The following RGN variants were observed in gnomAD, a reference collection of about 807,000 sequenced individuals.
The protein encoded by RGN is epididymis secretory protein Li 41.
Under a neutral mutation model 20.6 loss-of-function variants are expected in RGN, and 19 were observed. That is an observed-to-expected ratio of 0.92 (90% CI 0.64 to 1.35). The LOEUF is 1.35. Ranked by LOEUF, RGN falls within the 40% of genes most tolerant of loss-of-function variation. The pLI, the probability that RGN is intolerant of heterozygous loss-of-function variation, is 0.00. For missense variants in RGN, 302 were observed against 232.7 expected (o/e 1.30, Z -1.94); for synonymous variants, 85 against 87.2 (o/e 0.97, Z 0.14).
chrX:47,079,416 GTTTTGTTT>G (rs1449596900), intron 1 of RGN, among the ~76,000 whole-genome samples: 1 of 102,353 alleles, frequency 9.8e-6, no homozygotes, highest in African/African-American at 3.6e-5. Context: ...GTTTTGTTTT[GTTTTGTTT>G]TTTTGTTTTT....
chrX:47,086,718 A>G (rs1930601381), intron 4 of RGN, among the ~76,000 whole-genome samples: 1 of 100,226 alleles, frequency 1.0e-5, no homozygotes, highest in African/African-American at 3.6e-5. Context: ...GGCTGCCCCT[A>G]GAACCAGTGA....
chrX:47,092,922 T>A lies in RGN; in HGVS notation c.875T>A (p.Ile292Asn). ...FKITGLGVKG[I>N]APYSYAG ...ATAACTGGTCTGGGGGTCAAAGGAATTGCTCCCTACTCCTATGCGGGATGA... is the reference window on the plus strand; with the variant it reads ...ATAACTGGTCTGGGGGTCAAAGGAAATGCTCCCTACTCCTATGCGGGATGA... The change falls in exon 8 of 8, where the codon ATT (isoleucine) becomes AAT (asparagine). Residue 292 changes from isoleucine (I) to asparagine (N), a missense_variant. Ile to Asn is a moderately radical substitution (Grantham distance 149). Transcript: ENST00000397180. 8.3e-7 allele frequency: 1 copy of A among 1,207,825 alleles called. No homozygotes were observed. The highest frequency in any genetic ancestry group is 2.2e-5 in the Admixed American group (1 of 45,968).
intron 4 of RGN, among the ~76,000 whole-genome samples, 178 bp from the exon 5 acceptor site, chrX:47,089,598 T>TACACAC (rs200155890): frequency 1.4e-5 from 1 of 69,993 alleles, no homozygotes; most frequent in Non-Finnish European, 2.5e-5. Context: ...TATATATATA[T>TACACAC]ACACACACAC....
In RGN at chrX:47,080,581, T is replaced by TA. The variant is rs200091296; in HGVS notation, c.-366dup. The TA allele has an allele frequency of 9.1e-3, 1,023 of 112,611 alleles. 11 individuals carry two copies. Among genetic ancestry groups the TA allele is most frequent in the African/African-American group, 0.031 (964 of 30,905 alleles). The allele number at this position is 112,611 out of a possible 1,213,427, so 9.3% of individuals were successfully genotyped here. A position where few individuals can be genotyped will look rare whatever the true frequency, so the allele number is the denominator to read the frequency against. ...GTTCTCATTGGGGTGAACATAGTCC[T>TA]AAAAATGCAGTTCATAAAAATCAAC... On this transcript the variant is annotated 5_prime_UTR_variant, in exon 2 of 8. In the 5' UTR this introduces an upstream ATG that the reference lacks. Coordinates refer to ENST00000397180, the MANE Select transcript of RGN (RefSeq NM_152869.4).
rs782553759 is a variant in RGN at position 47,092,158 on chromosome X, G to C, written c.792G>C (p.Arg264=). Residue 264 remains arginine, a synonymous_variant, in exon 7 of 8, where the codon CGG becomes CGC. Coordinates refer to ENST00000397180, the MANE Select transcript of RGN (RefSeq NM_152869.4). The part of the protein sequence containing the change: ...NYSEMYVTCA[R]DGMDPEGLLR... ...CTGAAATGTATGTGACCTGCGCCCGGGATGGGATGGACCCCGAGGGTCTTT... is the reference window on the plus strand; with the variant it reads ...CTGAAATGTATGTGACCTGCGCCCGCGATGGGATGGACCCCGAGGGTCTTT... The C allele has an allele frequency of 2.5e-6, 3 of 1,197,770 alleles. No homozygotes were observed. The African/African-American group carries it at 5.3e-5, about 21-fold the overall frequency.
At position 47,080,734 on chromosome X, in the gene RGN, G is replaced by A. The variant is rs185188660; in HGVS notation, c.-218G>A. Reference sequence around the variant, plus strand: ...AACAGAAGGTGGGGGAGCAGAAGGTGCCCTGCAGACACCCAGAGGGGCCAC... The same window carrying A: ...AACAGAAGGTGGGGGAGCAGAAGGTACCCTGCAGACACCCAGAGGGGCCAC... On this transcript the variant is annotated 5_prime_UTR_variant, in exon 2 of 8. Transcript: ENST00000397180. 1,012 of 125,410 alleles carry A rather than the reference G, an allele frequency of 8.1e-3. 11 individuals carry two copies. The highest frequency in any genetic ancestry group is 0.031 in the African/African-American group (952 of 30,979). 10.3% of individuals were successfully genotyped at this position (125,410 alleles called of 1,213,427 possible).
At position 47,081,112 on chromosome X, in the gene RGN, C is replaced by T; in HGVS notation, c.-15-18C>T. On this transcript the variant is annotated intron_variant, in intron 2 of 7. Coordinates refer to ENST00000397180, the MANE Select transcript of RGN (RefSeq NM_152869.4). The stretch of plus-strand genomic sequence containing the variant: ...TTCTGTGCGATGACCTTTCACTCAC[C>T]TCTGTTACCTTCAATAGATCTCCCC... 1 of 1,165,872 alleles carries T rather than the reference C, an allele frequency of 8.6e-7. No individual in the cohort carries two copies. The highest frequency in any genetic ancestry group is 1.8e-5 in the African/African-American group (1 of 56,781).
intron 4 of RGN, among the ~76,000 whole-genome samples, chrX:47,087,204 T>A (rs1930636124): frequency 9.0e-6 from 1 of 111,659 alleles, no homozygotes; most frequent in Non-Finnish European, 1.9e-5. Flanking sequence ...TGATTCTCCA[T>A]CTCTACTATT....
At position 47,092,182 on chromosome X, in the gene RGN, T is replaced by A; in HGVS notation, c.816T>A (p.Leu272=). Residue 272 remains leucine (L), a synonymous_variant, in exon 7 of 8, where the codon CTT becomes CTA. Transcript: ENST00000397180. The part of the protein sequence containing the change: ...CARDGMDPEG[L]LRQPEAGGIF... Reference sequence around the variant, plus strand: ...GGGATGGGATGGACCCCGAGGGTCTTTTGAGGCAACCTGAAGCTGGTGGAA... The same window carrying A: ...GGGATGGGATGGACCCCGAGGGTCTATTGAGGCAACCTGAAGCTGGTGGAA... The A allele has an allele frequency of 8.4e-7, 1 of 1,190,593 alleles. No individual in the cohort carries two copies. The highest frequency in any genetic ancestry group is 1.1e-6 in the Non-Finnish European group (1 of 884,384).
chrX:47,084,067 G>A (rs1383759589), intron 3 of RGN, among the ~76,000 whole-genome samples: 1 of 111,107 alleles, frequency 9.0e-6, no homozygotes, highest in Non-Finnish European at 1.9e-5. Context: ...TGTGATGACT[G>A]TCCTGGTGCC....
chrX:47,090,786 C>A (rs1381272776), intron 5 of RGN, among the ~76,000 whole-genome samples: 5 of 105,742 alleles, frequency 4.7e-5, no homozygotes, highest in African/African-American at 1.7e-4. Context: ...TCGCTTGAAC[C>A]CGGGAGGCAG....
Position 47,084,299 on chromosome X carries a change from C to T in RGN, c.164-119C>T, listed in dbSNP as rs186595835. The T allele has an allele frequency of 2.6e-4, 135 of 529,038 alleles. 1 individual carries two copies. In the East Asian group the frequency reaches 4.3e-3, roughly 17 times the overall value. The allele number at this position is 529,038 out of a possible 1,213,427, so 43.6% of individuals were successfully genotyped here. On this transcript the variant is annotated intron_variant, in intron 3 of 7. Transcript: ENST00000397180. Reference sequence around the variant, plus strand: ...TCCCTACTCAACAGAAGGAAGAGAGCGCTCCCATTGTCACGAGAGCTGGGC... The same window carrying T: ...TCCCTACTCAACAGAAGGAAGAGAGTGCTCCCATTGTCACGAGAGCTGGGC...
chrX:47,090,932 GA>G (rs1380310036), intron 5 of RGN, among the ~76,000 whole-genome samples: 2 of 39,900 alleles, frequency 5.0e-5, no homozygotes, highest in African/African-American at 1.5e-4. Flanking sequence ...AAGAAAGAAA[GA>G]AAGAAAGAAA....
chrX:47,081,116 G>C lies in RGN; in HGVS notation c.-15-14G>C. 4.2e-6 allele frequency: 5 copies of C among 1,180,998 alleles called. No homozygotes were observed. Among genetic ancestry groups the C allele is most frequent in the Non-Finnish European group, 5.8e-6 (5 of 868,162 alleles). ...GTGCGATGACCTTTCACTCACCTCT[G>C]TTACCTTCAATAGATCTCCCCTGCG... On this transcript the variant is annotated splice_polypyrimidine_tract_variant and intron_variant, in intron 2 of 7. Coordinates refer to ENST00000397180, the MANE Select transcript of RGN (RefSeq NM_152869.4).
At chrX:47,086,068 C>T (rs901217425) in intron 4 of RGN, among the ~76,000 whole-genome samples, 1 of 111,796 alleles carries the variant, frequency 8.9e-6, no homozygotes, top group African/African-American at 3.2e-5. Flanking sequence ...TCTCTTTGAT[C>T]TTTTTTAAAA....
intron 4 of RGN, among the ~76,000 whole-genome samples, chrX:47,088,529 G>A (rs1305548781): frequency 1.8e-5 from 2 of 110,901 alleles, no homozygotes; most frequent in Non-Finnish European, 3.8e-5. Context: ...TTCGGCATCT[G>A]TTGATTCTCT....
At chrX:47,082,105 G>A (rs1206511297) in intron 3 of RGN, among the ~76,000 whole-genome samples, 1 of 111,474 alleles carries the variant, frequency 9.0e-6, no homozygotes, top group Non-Finnish European at 1.9e-5. Flanking sequence ...AATTTCATGT[G>A]CATTTGAGTG....
intron 3 of RGN, among the ~76,000 whole-genome samples, chrX:47,083,100 A>T (rs189914509): frequency 0.019 from 2,039 of 109,920 alleles, 46 homozygotes; most frequent in African/African-American, 0.063. Context: ...AAATAAATTT[A>T]AAAAAAAAGC....
chrX:47,084,255 G>A (rs1429381956), intron 3 of RGN, among the ~76,000 whole-genome samples, 163 bp from the exon 4 acceptor site: 2 of 111,426 alleles, frequency 1.8e-5, no homozygotes, highest in Non-Finnish European at 3.8e-5. Flanking sequence ...CTCAACAAAT[G>A]TACTAGGTTA....
Sources: gnomAD v4.1 joint callset for allele counts (sites outside exome capture counted in the v4.1 genomes callset) on GRCh38, gnomAD v4.1.1 for gene constraint, MANE v1.5 for transcripts, NCBI Gene and HGNC (gene_info 2026-07-23, HGNC 2026-07-21) for gene names.